The following FADS2 variants were observed in gnomAD, a reference collection of about 807,000 sequenced individuals.
The protein encoded by FADS2 is fatty acid desaturase 2, also known as acyl-CoA 6-desaturase.
Under a neutral mutation model 61.2 loss-of-function variants are expected in FADS2, and 18 were observed. That is an observed-to-expected ratio of 0.29 (90% confidence interval 0.20 to 0.44). The LOEUF is 0.44. Ranked by LOEUF, FADS2 falls within the 20% of genes least tolerant of loss-of-function variation. The pLI is 1.00. For missense variants in FADS2, 322 were observed against 572.7 expected (o/e 0.56, Z 4.47); for synonymous variants, 203 against 223.9 (o/e 0.91, Z 0.83).
At chr11:61,854,581 C>G (rs540754451) in intron 5 of FADS2, 6 of 152,266 alleles carry the variant, frequency 3.9e-5, no homozygotes, top group South Asian at 2.1e-4. Flanking sequence ...CACTCACCCC[C>G]CTAGCTTGCT....
chr11:61,840,829 G>T, intron 4 of FADS2, 104 bp downstream of exon 4: 1 of 893,356 alleles, frequency 1.1e-6, no homozygotes, highest in Non-Finnish European at 1.8e-6. Context: ...GGGTGACAAG[G>T]CAGGTGTGCC....
rs748433335 is a variant in FADS2, at chr11:61,837,879, C to T, written c.309C>T (p.His103=). The T allele has an allele frequency of 9.3e-6, 15 of 1,612,220 alleles. No homozygotes were observed. In the Admixed American group the frequency reaches 1.8e-4, roughly 20 times the overall value. ...ELAPEEPSQD[H]GKNSKITEDF... is the part of the protein sequence containing the mutation. ...CCCCGGAGGAGCCCAGCCAGGACCA[C>T]GGCAAGAACGTAAGTCTGGCTTGCA... The change falls in exon 2 of 12, where the codon CAC becomes CAT. Residue 103 remains histidine, a synonymous_variant. Coordinates refer to ENST00000278840, the MANE Select transcript of FADS2 (RefSeq NM_004265.4).
chr11:61,863,968 C>T (rs2067440115), intron 10 of FADS2, 182 bp downstream of exon 10: 1 of 594,390 alleles, frequency 1.7e-6, no homozygotes, highest in African/African-American at 1.9e-5. Context: ...TCCCCTATTC[C>T]ATCTCCCTGA....
At chr11:61,863,211 G>A in intron 8 of FADS2, 71 bp from the exon 9 acceptor site, 1 of 1,462,000 alleles carries the variant, frequency 6.8e-7, no homozygotes, top group African/African-American at 1.4e-5. Context: ...TGGGCTGGTT[G>A]GGAGAGTGGA....
upstream of FADS2, chr11:61,826,625 G>T: frequency 1.8e-6 from 1 of 559,772 alleles, no homozygotes; most frequent in Non-Finnish European, 3.2e-6. Context: ...TGTACAGAAG[G>T]CTTTTGTTTG....
At chr11:61,844,214 C>T (rs1239304471) in intron 4 of FADS2, among the ~76,000 whole-genome samples, 1 of 152,032 alleles carries the variant, frequency 6.6e-6, no homozygotes, top group Non-Finnish European at 1.5e-5. Flanking sequence ...TTTATTTATA[C>T]CAAAACAGAA....
At chr11:61,863,811 G>C (rs374973907) in intron 10 of FADS2, 25 bp downstream of exon 10, 83 of 1,590,760 alleles carry the variant, frequency 5.2e-5, no homozygotes, top group Non-Finnish European at 6.6e-5. Flanking sequence ...GCGGGGAGGC[G>C]GGGAGACCCA....
At chr11:61,839,997 C>T (rs999255338) in intron 2 of FADS2, among the ~76,000 whole-genome samples, 3 of 152,240 alleles carry the variant, frequency 2.0e-5, no homozygotes, top group Non-Finnish European at 2.9e-5. Flanking sequence ...GTTGCTGATC[C>T]ATTCATCCAT....
upstream of FADS2, among the ~76,000 whole-genome samples, chr11:61,825,764 G>A (rs367631344): frequency 6.6e-6 from 1 of 151,820 alleles, no homozygotes; most frequent in Non-Finnish European, 1.5e-5. Context: ...GTGGTGGCAG[G>A]CGCCTGTAGT....
chr11:61,820,850 A>C (rs1339597451), intron 1 of FADS2, among the ~76,000 whole-genome samples: 5 of 152,146 alleles, frequency 3.3e-5, no homozygotes, highest in African/African-American at 1.2e-4. Context: ...CAGTGAGCCG[A>C]GATTGCACCA....
chr11:61,832,830 T>A (rs568070401), intron 1 of FADS2, among the ~76,000 whole-genome samples: 3 of 152,364 alleles, frequency 2.0e-5, no homozygotes, highest in Non-Finnish European at 4.4e-5. Context: ...TGCCACCTAC[T>A]GCACTGTGTG....
intron 4 of FADS2, among the ~76,000 whole-genome samples, chr11:61,841,919 T>C (rs1256944826): frequency 6.6e-6 from 1 of 151,992 alleles, no homozygotes; most frequent in Non-Finnish European, 1.5e-5. Flanking sequence ...GACCACAGAG[T>C]CTCAGCATGT....
chr11:61,848,064 A>C, intron 4 of FADS2, 95 bp from the exon 5 acceptor site: 1 of 1,507,410 alleles, frequency 6.6e-7, no homozygotes, highest in South Asian at 1.2e-5. Context: ...CGAGGGTTGA[A>C]GGTTCCGGGA....
chr11:61,837,576 G>A (rs554890969), intron 1 of FADS2, among the ~76,000 whole-genome samples: 152 of 152,360 alleles, frequency 1.0e-3, no homozygotes, highest in African/African-American at 3.3e-3. Flanking sequence ...AGAAGCCCAG[G>A]TGGCTGTTGC....
At position 61,865,867 on chromosome 11, in the gene FADS2, A is replaced by G; in HGVS notation, c.*178A>G. On this transcript the variant is annotated 3_prime_UTR_variant, in exon 12 of 12. Coordinates refer to ENST00000278840, the MANE Select transcript of FADS2 (RefSeq NM_004265.4). The surrounding 1 kb of genome is among the most constrained non-coding windows in gnomAD (Gnocchi z 4.1). ...TTTCTCTTCACATCTCCCCCATAGC[A>G]CCCTGCCCTCATGGGACCTGCCCTC... 2 of 600,686 alleles carry G rather than the reference A, an allele frequency of 3.3e-6. No individual in the cohort carries two copies. The highest frequency in any genetic ancestry group is 8.5e-4 in the Middle Eastern group (2 of 2,358). 37.2% of individuals were successfully genotyped at this position (600,686 alleles called of 1,614,324 possible). A position where few individuals can be genotyped will look rare whatever the true frequency, so the allele number is the denominator to read the frequency against.
chr11:61,820,383 A>G (rs2067028257), intron 1 of FADS2, among the ~76,000 whole-genome samples: 1 of 152,092 alleles, frequency 6.6e-6, no homozygotes, highest in African/African-American at 2.4e-5. Flanking sequence ...GGTCAGTAGG[A>G]TAGATGCAAA....
rs2067470603 is a variant in FADS2, at chr11:61,866,360, CTCTGACCCTGGGCTTTCACGGGCCCCAT to C, written c.*674_*701del. The C allele has an allele frequency of 5.1e-6, 1 of 195,766 alleles. No homozygotes were observed. 12.1% of individuals were successfully genotyped at this position (195,766 alleles called of 1,614,324 possible). A position where few individuals can be genotyped will look rare whatever the true frequency, so the allele number is the denominator to read the frequency against. On this transcript the variant is annotated 3_prime_UTR_variant, in exon 12 of 12. Transcript: ENST00000278840. ...AGTCCTCCACCCCATCACTAGAGTG[CTCTGACCCTGGGCTTTCACGGGCCCCAT>C]TCCACCGCCTCCCCAACTTGAGCCT...
At chr11:61,860,007 A>G (rs1228550223) in intron 7 of FADS2, among the ~76,000 whole-genome samples, 1 of 152,164 alleles carries the variant, frequency 6.6e-6, no homozygotes, top group African/African-American at 2.4e-5. Flanking sequence ...AAAAGAAATC[A>G]CCCTATGTTC....
upstream of FADS2, chr11:61,827,995 C>T: frequency 1.8e-6 from 2 of 1,082,964 alleles, no homozygotes; most frequent in South Asian, 2.5e-5. This position sits in a 1 kb window ranked among gnomAD's most constrained non-coding sequence, Gnocchi z 4.5. Context: ...CTGCTGATCG[C>T]TGTGGAAACT....
Sources: allele counts gnomAD v4.1 joint callset (sites outside exome capture counted in the v4.1 genomes callset), GRCh38; gene constraint gnomAD v4.1.1; non-coding constraint Gnocchi (gnomAD v3.1); transcripts MANE v1.5; gene names NCBI Gene and HGNC (gene_info 2026-07-23, HGNC 2026-07-21).